SLC29A4: variants seen among roughly 807,000 people sequenced by gnomAD.
SLC29A4 encodes the protein solute carrier family 29 member 4, also known as equilibrative nucleoside transporter 4.
A neutral mutation model predicts 43.9 loss-of-function variants in SLC29A4; 36 were observed. The observed-to-expected ratio is 0.82, with a 90% confidence interval of 0.63 to 1.08. The LOEUF is 1.08. Ranked by LOEUF, SLC29A4 falls within the 50% of genes least tolerant of loss-of-function variation. SLC29A4 has a pLI of 0.00. For synonymous variants in SLC29A4, 491 were observed against 338.0 expected, an observed-to-expected ratio of 1.45 and a Z score of -4.97; for missense variants, 869 against 755.3, an observed-to-expected ratio of 1.15 and a Z score of -1.77.
At chr7:5,295,275 G>A (rs1051201124) in intron 6 of SLC29A4, among the ~76,000 whole-genome samples, 17 of 152,008 alleles carry the variant, frequency 1.1e-4, no homozygotes, top group African/African-American at 3.9e-4. Flanking sequence ...GGTGGGCCCC[G>A]TCCATGGCCG....
At chr7:5,295,722 C>T (rs1337948202) in intron 6 of SLC29A4, among the ~76,000 whole-genome samples, 1 of 150,644 alleles carries the variant, frequency 6.6e-6, no homozygotes, top group African/African-American at 2.4e-5. Context: ...CGTTCTGCAA[C>T]CCTCTGCCTG....
intron 7 of SLC29A4, among the ~76,000 whole-genome samples, chr7:5,297,631 T>C (rs1785804235): frequency 6.6e-6 from 1 of 152,148 alleles, no homozygotes; most frequent in Non-Finnish European, 1.5e-5. Context: ...GCAAACTCTC[T>C]AGGAAGCTCA....
Position 5,284,047 on chromosome 7 carries a change from C to G in SLC29A4, c.-9+965C>G, listed in dbSNP as rs747063627. On this transcript the variant is annotated intron_variant, in intron 1 of 10. Coordinates refer to ENST00000396872, the MANE Select transcript of SLC29A4 (RefSeq NM_153247.4). ...GAGCTGCACGACCCCCCCCCCCACC[C>G]CCGACTTGGCCTCTCTGTGCCTCAG... Among the ~76,000 whole-genome samples, 108 of 139,442 alleles carry G rather than the reference C, an allele frequency of 7.7e-4. 4 individuals are homozygous for G. The highest frequency in any genetic ancestry group is 1.5e-3 in the Non-Finnish European group (97 of 63,526). 91.5% of individuals were successfully genotyped at this position (139,442 alleles called of 152,430 possible). A position where few individuals can be genotyped will look rare whatever the true frequency, so the allele number is the denominator to read the frequency against.
chr7:5,300,522 C>G lies in SLC29A4; in HGVS notation c.1310C>G (p.Pro437Arg). 1 of 1,612,218 alleles carries G rather than the reference C, an allele frequency of 6.2e-7. No individual in the cohort carries two copies. The highest frequency in any genetic ancestry group is 8.5e-7 in the Non-Finnish European group (1 of 1,179,772). Residue 437 changes from proline to arginine, a missense_variant, in exon 10 of 11, where the codon CCC becomes CGC. By Grantham distance (103) the Pro-to-Arg change is moderately radical. Transcript: ENST00000396872. ...FIPLFILCVY[P>R]SGMPALRHPA... ...CCCCTCTTCATCCTGTGCGTCTACC[C>G]CAGCGGCATGCCCGCCCTCCGTCAC...
chr7:5,289,143 T>C (rs1303703487), intron 2 of SLC29A4, among the ~76,000 whole-genome samples: 2 of 152,106 alleles, frequency 1.3e-5, no homozygotes, highest in African/African-American at 4.8e-5. Flanking sequence ...ATGCCTATAA[T>C]CCCAGCACTT....
intron 6 of SLC29A4, among the ~76,000 whole-genome samples, chr7:5,295,403 C>T (rs933994405): frequency 2.0e-5 from 3 of 152,192 alleles, no homozygotes; most frequent in African/African-American, 4.8e-5. Context: ...CTCAAACTCA[C>T]GTCTCCTCCA....
At position 5,303,416 on chromosome 7, in the gene SLC29A4, AG is replaced by A. The variant is rs1786310695; in HGVS notation, c.*481del. 1.1e-5 allele frequency: 2 copies of A among 183,244 alleles called. No homozygotes were observed. The highest frequency in any genetic ancestry group is 2.3e-4 in the South Asian group (2 of 8,532). The allele number at this position is 183,244 out of a possible 1,614,324, so 11.4% of individuals were successfully genotyped here. On this transcript the variant is annotated 3_prime_UTR_variant, in exon 11 of 11. Coordinates refer to ENST00000396872, the MANE Select transcript of SLC29A4 (RefSeq NM_153247.4). ...ATGAACTCTGGAGCCCTGAGAGGAG[AG>A]GGGCAGCCCCCCACCTTGTCACCCT... is the stretch of plus-strand genomic sequence containing the variant.
At chr7:5,287,083 C>A (rs775594794) in intron 1 of SLC29A4, among the ~76,000 whole-genome samples, 2 of 152,202 alleles carry the variant, frequency 1.3e-5, no homozygotes, top group Non-Finnish European at 2.9e-5. Flanking sequence ...CCCCTCTGAC[C>A]CCTTCTCCCT....
In SLC29A4 at chr7:5,290,759, G is replaced by A. The variant is rs145629026; in HGVS notation, c.197G>A (p.Arg66His). The A allele has an allele frequency of 2.2e-5, 36 of 1,613,434 alleles. No individual in the cohort carries two copies. The African/African-American group carries it at 3.2e-4, about 14-fold the overall frequency. ...TTLDEPVPDDRYHAIYFAMLL... is the reference protein window; with the variant it reads ...TTLDEPVPDDHYHAIYFAMLL... ...TTGGACGAGCCAGTGCCCGATGACC[G>A]TTATCACGCCATCTACTTTGCGATG... is the stretch of plus-strand genomic sequence containing the variant. The change falls in exon 3 of 11, where the codon CGT becomes CAT. Residue 66 changes from arginine to histidine, a missense_variant. Physicochemically the swap from Arg to His is conservative, Grantham distance 29. Transcript: ENST00000396872.
chr7:5,287,417 GAA>G (rs199755250), intron 1 of SLC29A4, among the ~76,000 whole-genome samples: 52 of 121,446 alleles, frequency 4.3e-4, no homozygotes, highest in African/African-American at 1.0e-3. Context: ...GACCCTGTCT[GAA>G]AAAAAAAAAA....
In SLC29A4 at chr7:5,291,686, C is replaced by A. The variant is rs746487655; in HGVS notation, c.416-7C>A. The A allele has an allele frequency of 1.8e-5, 29 of 1,602,494 alleles. No homozygotes were observed. The highest frequency in any genetic ancestry group is 2.3e-5 in the Non-Finnish European group (27 of 1,174,610). On this transcript the variant is annotated splice_polypyrimidine_tract_variant and splice_region_variant and intron_variant, in intron 4 of 10. Coordinates refer to ENST00000396872, the MANE Select transcript of SLC29A4 (RefSeq NM_153247.4). ...ACCACTCCCCTCACTAGCCTCTCCC[C>A]CAACAGGCTACCTCTTAGCCTTGGG...
At chr7:5,284,350 A>G (rs1784835496) in intron 1 of SLC29A4, among the ~76,000 whole-genome samples, 1 of 152,140 alleles carries the variant, frequency 6.6e-6, no homozygotes, top group African/African-American at 2.4e-5. Context: ...CTACCCCACC[A>G]GCCACCCACC....
chr7:5,302,718 C>T lies in SLC29A4; in HGVS notation c.1451-79C>T. 4.9e-6 allele frequency: 7 copies of T among 1,421,796 alleles called. No individual in the cohort carries two copies. The South Asian group carries it at 9.3e-5, about 19-fold the overall frequency. 88.1% of individuals were successfully genotyped at this position (1,421,796 alleles called of 1,614,324 possible). Reference sequence around the variant, plus strand: ...GGCGGCACGGTTCAGGCGGGTGTCACCGCACCTCACACCCGAGCAGCCGTG... The same window carrying T: ...GGCGGCACGGTTCAGGCGGGTGTCATCGCACCTCACACCCGAGCAGCCGTG... On this transcript the variant is annotated intron_variant, in intron 10 of 10. Coordinates refer to ENST00000396872, the MANE Select transcript of SLC29A4 (RefSeq NM_153247.4).
At chr7:5,300,053 A>G (rs1046265958) in intron 9 of SLC29A4, among the ~76,000 whole-genome samples, 1 of 152,094 alleles carries the variant, frequency 6.6e-6, no homozygotes, top group African/African-American at 2.4e-5. Context: ...CTCTGTCTCA[A>G]AAAAACAAGC....
At chr7:5,285,122 A>C (rs922184113) in intron 1 of SLC29A4, among the ~76,000 whole-genome samples, 6 of 151,690 alleles carry the variant, frequency 4.0e-5, no homozygotes, top group African/African-American at 1.5e-4. Context: ...GCCTTTGCTG[A>C]CTCTCTGGCG....
intron 7 of SLC29A4, among the ~76,000 whole-genome samples, chr7:5,297,713 G>T (rs980287256): frequency 6.6e-6 from 1 of 152,188 alleles, no homozygotes; most frequent in African/African-American, 2.4e-5. Context: ...TTTCCCTGAG[G>T]GAATGTGGCG....
chr7:5,287,071 C>T (rs1261980174), intron 1 of SLC29A4, among the ~76,000 whole-genome samples: 2 of 152,160 alleles, frequency 1.3e-5, no homozygotes, highest in African/African-American at 4.8e-5. Context: ...AGCCATTCTC[C>T]TCCCCTCTGA....
intron 5 of SLC29A4, among the ~76,000 whole-genome samples, chr7:5,292,928 A>G (rs963614528): frequency 1.3e-5 from 2 of 149,876 alleles, no homozygotes; most frequent in Non-Finnish European, 3.0e-5. Flanking sequence ...CGAACTCCTG[A>G]CCTCAGGTGA....
At chr7:5,291,402 C>G (rs1785302232) in intron 4 of SLC29A4, among the ~76,000 whole-genome samples, 165 bp downstream of exon 4, 1 of 152,250 alleles carries the variant, frequency 6.6e-6, no homozygotes, top group African/African-American at 2.4e-5. Flanking sequence ...GGTGGGGCCT[C>G]TGTACCCCAA....
Sources: allele counts gnomAD v4.1 joint callset (sites outside exome capture counted in the v4.1 genomes callset), GRCh38; gene constraint gnomAD v4.1.1; transcripts MANE v1.5; gene names NCBI Gene and HGNC (gene_info 2026-07-23, HGNC 2026-07-21).